STX17: variants seen among roughly 807,000 people sequenced by gnomAD.
STX17 encodes the protein syntaxin-17.
In STX17, 29 loss-of-function variants were observed where a neutral mutation model predicts 35.9. The observed-to-expected ratio is 0.81, with a 90% CI of 0.60 to 1.10. STX17 has a LOEUF of 1.10. Among genes scored for constraint, STX17 ranks in the 50% least tolerant of loss-of-function variants. The pLI is 0.00. For synonymous variants in STX17, 92 were observed against 118.3 expected, an observed-to-expected ratio of 0.78 and a Z score of 1.44; for missense variants, 312 against 352.3, an observed-to-expected ratio of 0.89 and a Z score of 0.92.
intron 4 of STX17, among the ~76,000 whole-genome samples, chr9:99,954,672 T>C (rs1195679231): frequency 1.3e-5 from 2 of 152,088 alleles, no homozygotes; most frequent in Non-Finnish European, 2.9e-5. Context: ...AAATCTGTTT[T>C]ATTGCATAGA....
intron 3 of STX17, among the ~76,000 whole-genome samples, chr9:99,948,312 T>C (rs1439398454): frequency 6.6e-6 from 1 of 152,156 alleles, no homozygotes; most frequent in Non-Finnish European, 1.5e-5. Flanking sequence ...ATTAAAATAG[T>C]ATTTTAGCTA....
At chr9:99,967,785 A>G in intron 7 of STX17, 46 bp downstream of exon 7, 1 of 1,542,094 alleles carries the variant, frequency 6.5e-7, no homozygotes, top group Non-Finnish European at 9.0e-7. Context: ...TCTGGCTCCC[A>G]GGAATCTCTA....
intron 6 of STX17, 178 bp from the exon 7 acceptor site, chr9:99,967,475 T>G: frequency 2.8e-6 from 1 of 363,146 alleles, no homozygotes; most frequent in African/African-American, 2.1e-5. Context: ...CCCCCCCCTT[T>G]TTTTTATGAA....
rs1438636499 is a variant in STX17 at position 99,922,966 on chromosome 9, C to A, written c.124-5812C>A. ...AAAGATGAAGAAAATTGTTCCTGTC[C>A]CCTGGTGGAACTTTTCAAGTGACAT... On this transcript the variant is annotated intron_variant, in intron 2 of 7. Coordinates refer to ENST00000259400, the MANE Select transcript of STX17 (RefSeq NM_017919.3). Among the ~76,000 whole-genome samples the A allele has an allele frequency of 2.0e-5, 3 of 152,126 alleles. No homozygotes were observed. In the East Asian group the frequency reaches 5.8e-4, roughly 29 times the overall value.
intron 1 of STX17, chr9:99,907,502 A>G (rs1489452241): frequency 2.0e-5 from 3 of 152,144 alleles, no homozygotes; most frequent in Non-Finnish European, 4.4e-5. Context: ...TACCCATCTC[A>G]TATTAGTTGT....
chr9:99,929,020 TG>T (rs752733210), intron 3 of STX17, 177 bp downstream of exon 3: 55 of 530,332 alleles, frequency 1.0e-4, no homozygotes, highest in Non-Finnish European at 1.7e-4. Context: ...TTCAAAGTTT[TG>T]TTTTGTTACC....
At chr9:99,932,486 C>A (rs531767400) in intron 3 of STX17, among the ~76,000 whole-genome samples, 1 of 152,062 alleles carries the variant, frequency 6.6e-6, no homozygotes, top group East Asian at 1.9e-4. Flanking sequence ...CACCTGGTGC[C>A]CAGCAAGATT....
At chr9:99,922,914 T>C (rs1251336344) in intron 2 of STX17, among the ~76,000 whole-genome samples, 1 of 152,254 alleles carries the variant, frequency 6.6e-6, no homozygotes, top group Non-Finnish European at 1.5e-5. Context: ...GTATAAACAC[T>C]GATGAATAAA....
chr9:99,906,783 CG>C (rs1364853445), intron 1 of STX17, 77 bp downstream of exon 1: 3 of 152,226 alleles, frequency 2.0e-5, no homozygotes, highest in Non-Finnish European at 2.9e-5. Context: ...CCGTGTGGCG[CG>C]CGCAAGAGGC....
chr9:99,960,483 G>A (rs972689405), intron 6 of STX17, among the ~76,000 whole-genome samples: 2 of 150,774 alleles, frequency 1.3e-5, no homozygotes, highest in East Asian at 1.9e-4. Flanking sequence ...TCACTCTGTC[G>A]CCCAGGCTGG....
intron 7 of STX17, 137 bp from the exon 8 acceptor site, chr9:99,968,297 A>G (rs1829957647): frequency 1.8e-6 from 2 of 1,096,246 alleles, no homozygotes; most frequent in South Asian, 2.5e-5. Flanking sequence ...TTTCCCCCCT[A>G]CAAGTACAGT....
At chr9:99,928,180 C>T (rs1011592104) in intron 2 of STX17, among the ~76,000 whole-genome samples, 37 of 151,872 alleles carry the variant, frequency 2.4e-4, no homozygotes, top group Admixed American at 5.2e-4. Flanking sequence ...ATCACATATT[C>T]CTATGGTTCC....
At chr9:99,949,906 G>GTATAAATA in intron 3 of STX17, among the ~76,000 whole-genome samples, 1 of 149,648 alleles carries the variant, frequency 6.7e-6, no homozygotes, top group Non-Finnish European at 1.5e-5. Flanking sequence ...AGTAAAGATA[G>GTATAAATA]TATAAATACA....
chr9:99,931,282 T>A (rs1829116177), intron 3 of STX17, among the ~76,000 whole-genome samples: 2 of 151,860 alleles, frequency 1.3e-5, no homozygotes, highest in Non-Finnish European at 1.5e-5. Flanking sequence ...CCCAGCTGAT[T>A]TTCCAGTCTT....
At chr9:99,961,787 A>G (rs2118526192) in intron 6 of STX17, among the ~76,000 whole-genome samples, 1 of 152,292 alleles carries the variant, frequency 6.6e-6, no homozygotes, top group South Asian at 2.1e-4. Flanking sequence ...CAAGAGGCCA[A>G]CTAATCTAAT....
In STX17 at chr9:99,973,012, G is replaced by T. The variant is rs1830044601; in HGVS notation, c.*4339G>T. Among the ~76,000 whole-genome samples the T allele has an allele frequency of 6.6e-6, 1 of 151,968 alleles. No homozygotes were observed. The highest frequency in any genetic ancestry group is 2.4e-5 in the African/African-American group (1 of 41,376). ...CTAAATTAATATTAAAAGTTCAGGG[G>T]TATTTTTTGTTTTTAAATTAATACT... On this transcript the variant is annotated 3_prime_UTR_variant, in exon 8 of 8. Transcript: ENST00000259400.
At chr9:99,942,318 C>T (rs1354009224) in intron 3 of STX17, among the ~76,000 whole-genome samples, 1 of 152,114 alleles carries the variant, frequency 6.6e-6, no homozygotes, top group East Asian at 1.9e-4. Flanking sequence ...TGTAAGACTT[C>T]TTCATATGTT....
intron 2 of STX17, chr9:99,915,971 C>T (rs1358891725): frequency 2.2e-6 from 1 of 449,422 alleles, no homozygotes; most frequent in Non-Finnish European, 4.5e-6. Context: ...GCTAATGTAC[C>T]TGCCTTAATT....
At chr9:99,955,048 G>A (rs1188459987) in intron 4 of STX17, among the ~76,000 whole-genome samples, 1 of 152,018 alleles carries the variant, frequency 6.6e-6, no homozygotes, top group Non-Finnish European at 1.5e-5. Flanking sequence ...TTTCCACCAA[G>A]TGAAGTGAGG....
Sources: allele counts gnomAD v4.1 joint callset (sites outside exome capture counted in the v4.1 genomes callset), GRCh38; gene constraint gnomAD v4.1.1; transcripts MANE v1.5; gene names NCBI Gene and HGNC (gene_info 2026-07-23, HGNC 2026-07-21).